Variants in DHTKD1 observed in about 807,000 individuals in gnomAD.
DHTKD1 encodes dehydrogenase E1 and transketolase domain containing 1, also known as 2-oxoadipate dehydrogenase complex component E1.
A neutral mutation model predicts 101.8 loss-of-function variants in DHTKD1; 78 were observed. The observed-to-expected ratio is 0.77, with a 90% CI of 0.64 to 0.93. The LOEUF is 0.93. Among genes scored for constraint, DHTKD1 ranks in the 40% least tolerant of loss-of-function variants. The pLI is 0.00. For synonymous variants in DHTKD1, 462 were observed against 450.3 expected, an observed-to-expected ratio of 1.03 and a Z score of -0.33; for missense variants, 1,223 against 1,161.7, an observed-to-expected ratio of 1.05 and a Z score of -0.77.
rs370456596 is a variant in DHTKD1, at chr10:12,091,792, T to TTTAA, written c.1159+131_1159+134dup. On this transcript the variant is annotated intron_variant, in intron 6 of 16. Transcript: ENST00000263035. ...GCCTCACTGGTTATCCCTCCTTTCATTTAATTAATTAATTAATTAATTAAT... is the reference window on the plus strand; with the variant it reads ...GCCTCACTGGTTATCCCTCCTTTCATTTAATTAATTAATTAATTAATTAATTAAT... The TTTAA allele has an allele frequency of 1.5e-3, 1,159 of 782,354 alleles. 4 individuals carry two copies. Among genetic ancestry groups the TTTAA allele is most frequent in the African/African-American group, 0.013 (681 of 53,740 alleles). 48.5% of individuals were successfully genotyped at this position (782,354 alleles called of 1,614,324 possible). A position where few individuals can be genotyped will look rare whatever the true frequency, so the allele number is the denominator to read the frequency against.
intron 1 of DHTKD1, among the ~76,000 whole-genome samples, chr10:12,075,356 G>T (rs572436953): frequency 4.0e-5 from 6 of 151,770 alleles, no homozygotes; most frequent in East Asian, 1.9e-4. Flanking sequence ...TTTCTGTGGG[G>T]TTTTTTTTGG....
chr10:12,070,325 A>G (rs1251424888), intron 1 of DHTKD1, among the ~76,000 whole-genome samples: 1 of 152,202 alleles, frequency 6.6e-6, no homozygotes, highest in Non-Finnish European at 1.5e-5. Context: ...TATTAGAGGA[A>G]AATCATTTGG....
intron 1 of DHTKD1, among the ~76,000 whole-genome samples, chr10:12,074,500 T>C (rs915549743): frequency 1.3e-5 from 2 of 151,782 alleles, no homozygotes; most frequent in Non-Finnish European, 2.9e-5. Context: ...AGACTACAGG[T>C]GCCCGCCACC....
chr10:12,075,814 G>A (rs1029430095), intron 1 of DHTKD1, among the ~76,000 whole-genome samples: 4 of 151,928 alleles, frequency 2.6e-5, no homozygotes, highest in African/African-American at 9.7e-5. Flanking sequence ...TACAGTTGAA[G>A]TACGTTTTAT....
intron 8 of DHTKD1, among the ~76,000 whole-genome samples, chr10:12,098,558 A>G (rs958338004): frequency 6.6e-6 from 1 of 152,026 alleles, no homozygotes; most frequent in South Asian, 2.1e-4. Context: ...TTTGCCCTCT[A>G]AATTATTTTA....
At chr10:12,091,752 C>T in intron 6 of DHTKD1, 68 bp downstream of exon 6, 3 of 1,362,780 alleles carry the variant, frequency 2.2e-6, no homozygotes, top group Non-Finnish European at 3.1e-6. Flanking sequence ...ACCTCTGGTG[C>T]ACACAGAACA....
At chr10:12,112,754 C>A in intron 12 of DHTKD1, 146 bp from the exon 13 acceptor site, 1 of 744,840 alleles carries the variant, frequency 1.3e-6, no homozygotes, top group Non-Finnish European at 2.1e-6. Flanking sequence ...CATAAATTCA[C>A]CTGCTGATAT....
At position 12,121,915 on chromosome 10, in the gene DHTKD1, A is replaced by G. The variant is rs1286302559; in HGVS notation, c.*1027A>G. The G allele has an allele frequency of 6.6e-6, 1 of 152,186 alleles. No homozygotes were observed. Among genetic ancestry groups the G allele is most frequent in the Non-Finnish European group, 1.5e-5 (1 of 68,036 alleles). The allele number at this position is 152,186 out of a possible 1,614,324, so 9.4% of individuals were successfully genotyped here. On this transcript the variant is annotated 3_prime_UTR_variant, in exon 17 of 17. Transcript: ENST00000263035. ...TTACAGCTCCGTGGAGATGACCTCA[A>G]CACTGCCTCTTGATTTGTTTGATGC...
At position 12,110,815 on chromosome 10, in the gene DHTKD1, G is replaced by A. The variant is rs1221985719; in HGVS notation, c.2155-2085G>A. 2.0e-5 allele frequency among the ~76,000 whole-genome samples: 3 copies of A among 152,062 alleles called. No homozygotes were observed. Among genetic ancestry groups the A allele is most frequent in the African/African-American group, 7.2e-5 (3 of 41,408 alleles). On this transcript the variant is annotated intron_variant, in intron 12 of 16. Transcript: ENST00000263035. This position sits in a 1 kb window ranked among gnomAD's most constrained non-coding sequence, Gnocchi z 4.9. ...AGCACTTTGGGAGGCCAAGGTGGGTGGATATCTTGCTCAGGAGTTTGAGAC... is the reference window on the plus strand; with the variant it reads ...AGCACTTTGGGAGGCCAAGGTGGGTAGATATCTTGCTCAGGAGTTTGAGAC...
intron 16 of DHTKD1, among the ~76,000 whole-genome samples, chr10:12,120,544 G>T (rs931065161): frequency 6.6e-6 from 1 of 151,974 alleles, no homozygotes; most frequent in Non-Finnish European, 1.5e-5. Flanking sequence ...CACCATGTTA[G>T]CCAGGATAGT....
chr10:12,069,985 C>A (rs1046508727), intron 1 of DHTKD1, among the ~76,000 whole-genome samples: 1 of 152,050 alleles, frequency 6.6e-6, no homozygotes, highest in Non-Finnish European at 1.5e-5. Context: ...GAGAAGTGGG[C>A]AGTTAGTTCC....
intron 8 of DHTKD1, 117 bp from the exon 9 acceptor site, chr10:12,100,061 G>T (rs577567328): frequency 3.5e-6 from 2 of 574,342 alleles, no homozygotes; most frequent in East Asian, 6.4e-5. Flanking sequence ...CTCCCAAAGT[G>T]CTGGGATTAC....
At chr10:12,080,316 A>G (rs1035184588) in intron 1 of DHTKD1, among the ~76,000 whole-genome samples, 9 of 151,938 alleles carry the variant, frequency 5.9e-5, no homozygotes, top group African/African-American at 1.9e-4. Flanking sequence ...AAAAAAAAAA[A>G]AAAGTTGTGC....
chr10:12,100,867 A>C (rs1382638795), intron 9 of DHTKD1, among the ~76,000 whole-genome samples, 175 bp from the exon 10 acceptor site: 1 of 152,166 alleles, frequency 6.6e-6, no homozygotes, highest in Admixed American at 6.6e-5. Flanking sequence ...CTCCACTCTT[A>C]TGCAATCTCA....
In DHTKD1 at chr10:12,100,288, T is replaced by TTTTTTTTTTTTG. The variant is rs755510142; in HGVS notation, c.1756+37_1756+38insGTTTTTTTTTTT. On this transcript the variant is annotated intron_variant, in intron 9 of 16. Coordinates refer to ENST00000263035, the MANE Select transcript of DHTKD1 (RefSeq NM_018706.7). ...GTAAGAATTTTCTTTTTTTTTTCTG[T>TTTTTTTTTTTTG]TTTTTTTTTTTTTGAGTCTCACCCT... 4.5e-3 allele frequency: 3,103 copies of TTTTTTTTTTTTG among 695,572 alleles called. 72 individuals carry two copies. The highest frequency in any genetic ancestry group is 9.2e-3 in the Admixed American group (237 of 25,744). 43.1% of individuals were successfully genotyped at this position (695,572 alleles called of 1,614,324 possible). A position where few individuals can be genotyped will look rare whatever the true frequency, so the allele number is the denominator to read the frequency against.
chr10:12,089,701 CA>C (rs1832958320), intron 5 of DHTKD1, among the ~76,000 whole-genome samples: 1 of 151,686 alleles, frequency 6.6e-6, no homozygotes, highest in Non-Finnish European at 1.5e-5. Flanking sequence ...GACCGAGTCT[CA>C]CTCTGTCACT....
Position 12,106,294 on chromosome 10 carries a change from G to C in DHTKD1, c.1945G>C (p.Gly649Arg). 1 of 1,614,102 alleles carries C rather than the reference G, an allele frequency of 6.2e-7. No individual in the cohort carries two copies. Among genetic ancestry groups the C allele is most frequent in the Non-Finnish European group, 8.5e-7 (1 of 1,179,994 alleles). The change falls in exon 11 of 17, where the codon GGG becomes CGG. Residue 649 changes from glycine to arginine, a missense_variant. By Grantham distance (125) the Gly-to-Arg change is moderately radical. Coordinates refer to ENST00000263035, the MANE Select transcript of DHTKD1 (RefSeq NM_018706.7). ...SEEAVLGFEY[G>R]MSIESPKLLP... is the part of the protein sequence containing the mutation. The stretch of plus-strand genomic sequence containing the variant: ...AGAGGCCGTCCTGGGATTTGAATAT[G>C]GGATGAGCATTGAGAGCCCAAAGTT...
At position 12,121,727 on chromosome 10, in the gene DHTKD1, T is replaced by G. The variant is rs1833530526; in HGVS notation, c.*839T>G. On this transcript the variant is annotated 3_prime_UTR_variant, in exon 17 of 17. Transcript: ENST00000263035. ...GTGAGCCGAAATGGCGCCACTGTAC[T>G]CCAACCTGGGCGACAGAGCAAGACT... 6.6e-6 allele frequency: 1 copy of G among 152,248 alleles called. No homozygotes were observed. The highest frequency in any genetic ancestry group is 2.1e-4 in the South Asian group (1 of 4,826). 9.4% of individuals were successfully genotyped at this position (152,248 alleles called of 1,614,324 possible).
intron 1 of DHTKD1, among the ~76,000 whole-genome samples, chr10:12,071,665 C>A (rs72777800): frequency 6.6e-6 from 1 of 151,190 alleles, no homozygotes; most frequent in Non-Finnish European, 1.5e-5. Context: ...CAGTGACTCA[C>A]GCCTGTAATC....
Sources: allele counts gnomAD v4.1 joint callset (sites outside exome capture counted in the v4.1 genomes callset), GRCh38; gene constraint gnomAD v4.1.1; non-coding constraint Gnocchi (gnomAD v3.1); transcripts MANE v1.5; gene names NCBI Gene and HGNC (gene_info 2026-07-23, HGNC 2026-07-21).